Variants in PHC3 observed in about 807,000 individuals in gnomAD.
The protein encoded by PHC3 is polyhomeotic homolog 3, also known as polyhomeotic-like protein 3.
Under a neutral mutation model 107.4 loss-of-function variants are expected in PHC3, and 13 were observed. The ratio of observed to expected loss-of-function variants is 0.12; its 90% confidence interval spans 0.08 to 0.19. PHC3 has a LOEUF of 0.19. PHC3 is among the 10% of genes least tolerant of loss of function. The probability of loss-of-function intolerance (pLI) is 1.00; values close to 1 mark genes in which losing one functional copy is unlikely to be tolerated. For missense variants in PHC3, 992 were observed against 1,210.9 expected (o/e 0.82, Z 2.68); for synonymous variants, 456 against 427.4 (o/e 1.07, Z -0.83).
rs112372909 is a variant in PHC3 at position 170,175,838 on chromosome 3, C to T, written c.180+2935G>A. On this transcript the variant is annotated intron_variant, in intron 2 of 14. Transcript: ENST00000495893. ...ACTCAGGAGGCTGAGGCAGGAGAAT[C>T]GCTTGGACCAGGGAGGCAGAGGTTG... Among the ~76,000 whole-genome samples the T allele has an allele frequency of 7.9e-3, 1,202 of 151,440 alleles. 15 individuals are homozygous for T. Among genetic ancestry groups the T allele is most frequent in the African/African-American group, 0.027 (1,104 of 41,254 alleles).
chr3:170,168,522 T>C (rs535132640), intron 4 of PHC3, among the ~76,000 whole-genome samples: 89 of 151,888 alleles, frequency 5.9e-4, no homozygotes, highest in African/African-American at 2.1e-3. Context: ...TCCCAGCACT[T>C]TGGGAGGCCG....
chr3:170,162,707 C>T (rs1438395705), intron 4 of PHC3, among the ~76,000 whole-genome samples: 2 of 152,154 alleles, frequency 1.3e-5, no homozygotes. Flanking sequence ...GATCATGTCA[C>T]TTCCATACCA....
chr3:170,145,313 C>T, intron 6 of PHC3, 110 bp downstream of exon 6: 1 of 718,362 alleles, frequency 1.4e-6, no homozygotes, highest in Non-Finnish European at 2.2e-6. Context: ...ATCTGAAATG[C>T]ATGACAAAGA....
At chr3:170,156,101 T>C (rs749482310) in intron 4 of PHC3, among the ~76,000 whole-genome samples, 15 of 152,114 alleles carry the variant, frequency 9.9e-5, no homozygotes, top group Non-Finnish European at 2.2e-4. Context: ...TAGAGTAAAA[T>C]GCTATATAGA....
At chr3:170,155,410 A>C (rs1472393772) in intron 4 of PHC3, among the ~76,000 whole-genome samples, 1 of 152,234 alleles carries the variant, frequency 6.6e-6, no homozygotes, top group Non-Finnish European at 1.5e-5. Flanking sequence ...TATATGTATC[A>C]CAAATGTGAA....
intron 7 of PHC3, among the ~76,000 whole-genome samples, chr3:170,129,787 C>T (rs147854965): frequency 0.012 from 1,854 of 152,158 alleles, 40 homozygotes; most frequent in African/African-American, 0.042. Context: ...GCAACCTCCA[C>T]CTCCCTGGTT....
intron 14 of PHC3, among the ~76,000 whole-genome samples, chr3:170,101,635 A>T (rs536748235): frequency 6.6e-6 from 1 of 152,190 alleles, no homozygotes; most frequent in Non-Finnish European, 1.5e-5. Context: ...GTGAATGACA[A>T]GATTTACTGA....
At chr3:170,135,189 C>G (rs1023792716) in intron 7 of PHC3, among the ~76,000 whole-genome samples, 6 of 152,068 alleles carry the variant, frequency 3.9e-5, no homozygotes, top group Admixed American at 3.9e-4. Flanking sequence ...CTTGCTCTGT[C>G]GCCCAGGCTG....
At position 170,097,244 on chromosome 3, in the gene PHC3, G is replaced by A. The variant is rs1337244953; in HGVS notation, c.2974C>T (p.Leu992=). ...TCATGTTCCTGTTAAGATTCCTTCA[G>A]AGAGTTGATGCGTGCACAGATCTTC... is the stretch of plus-strand genomic sequence containing the variant. ...ALKICARINS[L]KES Residue 992 remains leucine (L), a synonymous_variant, in exon 15 of 15, where the codon CTG becomes TTG. Transcript: ENST00000495893. This position sits in a 1 kb window ranked among gnomAD's most constrained non-coding sequence, Gnocchi z 4.1. 6.2e-7 allele frequency: 1 copy of A among 1,604,192 alleles called. No individual in the cohort carries two copies. Among genetic ancestry groups the A allele is most frequent in the Non-Finnish European group, 8.5e-7 (1 of 1,173,874 alleles).
At chr3:170,123,356 T>TACACACACACACAC (rs3980601) in intron 8 of PHC3, among the ~76,000 whole-genome samples, 19,868 of 149,776 alleles carry the variant, frequency 0.13, 1,412 homozygotes, top group Middle Eastern at 0.22. Context: ...TTGAAATGCA[T>TACACACACACACAC]ACACACACAC....
chr3:170,114,305 G>A (rs182930463), intron 10 of PHC3, among the ~76,000 whole-genome samples: 8 of 152,202 alleles, frequency 5.3e-5, no homozygotes, highest in African/African-American at 1.4e-4. Context: ...CACTGCGCCC[G>A]GCCAATTTTA....
chr3:170,167,760 A>AG (rs1431570838), intron 4 of PHC3, among the ~76,000 whole-genome samples: 1 of 25,406 alleles, frequency 3.9e-5, no homozygotes, highest in Non-Finnish European at 8.7e-5. Context: ...GCTTCATCTC[A>AG]AAAAAAAAAA....
intron 4 of PHC3, among the ~76,000 whole-genome samples, chr3:170,166,156 T>C (rs548478180): frequency 1.3e-5 from 2 of 152,106 alleles, no homozygotes; most frequent in East Asian, 3.9e-4. Context: ...GTGATTCTCC[T>C]GCCTCAGCTT....
intron 1 of PHC3, among the ~76,000 whole-genome samples, chr3:170,180,703 G>A (rs1025132804): frequency 5.5e-4 from 83 of 151,882 alleles, no homozygotes; most frequent in African/African-American, 1.7e-3. Context: ...ACCGTATCGT[G>A]TACCAGTGAC....
intron 8 of PHC3, among the ~76,000 whole-genome samples, chr3:170,123,868 GAC>G (rs1056639827): frequency 6.7e-6 from 1 of 150,010 alleles, no homozygotes; most frequent in Non-Finnish European, 1.5e-5. Context: ...TTTTTTTTTT[GAC>G]AGAGTCTCGC....
At position 170,129,506 on chromosome 3, in the gene PHC3, C is replaced by G. The variant is rs752650098; in HGVS notation, c.966G>C (p.Gln322His). Residue 322 changes from glutamine to histidine, a missense_variant, in exon 8 of 15, where the codon CAG becomes CAC. Coordinates refer to ENST00000495893, the MANE Select transcript of PHC3 (RefSeq NM_024947.4). Reference sequence around the variant, plus strand: ...TGGAAGGTGGTGAATGAAGAGGAATCTGCTGATGTTTTATTAGAGAATGAG... The same window carrying G: ...TGGAAGGTGGTGAATGAAGAGGAATGTGCTGATGTTTTATTAGAGAATGAG... ...IQPHSLIKHQ[Q>H]IPLHSPPSKV... is the part of the protein sequence containing the mutation. 3.7e-6 allele frequency: 6 copies of G among 1,613,530 alleles called. No homozygotes were observed. The highest frequency in any genetic ancestry group is 4.2e-6 in the Non-Finnish European group (5 of 1,179,732).
At chr3:170,171,215 T>C (rs1729530500) in intron 4 of PHC3, 158 bp downstream of exon 4, 2 of 604,208 alleles carry the variant, frequency 3.3e-6, no homozygotes, top group Middle Eastern at 3.8e-4. Context: ...ACATTAGTTC[T>C]GAATTCTTGA....
intron 11 of PHC3, among the ~76,000 whole-genome samples, chr3:170,107,731 C>G (rs967614969): frequency 5.3e-5 from 8 of 152,186 alleles, no homozygotes; most frequent in Non-Finnish European, 1.0e-4. Flanking sequence ...TTTCATCATG[C>G]TTTTCTTTAA....
At position 170,102,615 on chromosome 3, in the gene PHC3, C is replaced by T; in HGVS notation, c.2697G>A (p.Glu899=). Residue 899 remains glutamate, a synonymous_variant, in exon 14 of 15, where the codon GAG becomes GAA. Transcript: ENST00000495893. ...AMTTRLRRQS[E]RERERELRDV... ...CCCGAAGCTCACGTTCTCTTTCCCG[C>T]TCGCTCTGCCTGCGCAGACGAGTTG... The T allele has an allele frequency of 6.2e-7, 1 of 1,614,000 alleles. No homozygotes were observed. Among genetic ancestry groups the T allele is most frequent in the Non-Finnish European group, 8.5e-7 (1 of 1,179,864 alleles).
Sources: allele counts gnomAD v4.1 joint callset (sites outside exome capture counted in the v4.1 genomes callset), GRCh38; gene constraint gnomAD v4.1.1; non-coding constraint Gnocchi (gnomAD v3.1); transcripts MANE v1.5; gene names NCBI Gene and HGNC (gene_info 2026-07-23, HGNC 2026-07-21).